Variants in LAMTOR1 observed in about 807,000 individuals in gnomAD.
LAMTOR1 encodes the protein late endosomal/lysosomal adaptor, MAPK and MTOR activator 1, also known as ragulator complex protein LAMTOR1.
LAMTOR1 carries 8 observed loss-of-function variants against 20.5 expected under a neutral mutation model. That is an observed-to-expected ratio of 0.39 (90% CI 0.23 to 0.70). LAMTOR1 has a LOEUF of 0.70. Ranked by LOEUF, LAMTOR1 falls within the 30% of genes least tolerant of loss-of-function variation. The pLI is 0.43. For missense variants in LAMTOR1, 135 were observed against 206.2 expected (o/e 0.65, Z 2.11); for synonymous variants, 77 against 80.9 (o/e 0.95, Z 0.26).
intron 4 of LAMTOR1, 157 bp downstream of exon 4, chr11:72,098,132 G>C: frequency 9.3e-7 from 1 of 1,079,642 alleles, no homozygotes; most frequent in South Asian, 1.6e-5. Context: ...GACATAAAAA[G>C]TTAAGAGAAC....
At chr11:72,103,153 A>G in intron 1 of LAMTOR1, 30 bp downstream of exon 1, 1 of 1,575,234 alleles carries the variant, frequency 6.3e-7, no homozygotes, top group East Asian at 2.3e-5. Flanking sequence ...CTTAGCCCTC[A>G]TTCCCGAGCC....
Position 72,098,347 on chromosome 11 carries a change from G to A in LAMTOR1, c.335C>T (p.Thr112Ile). 1 of 1,613,504 alleles carries A rather than the reference G, an allele frequency of 6.2e-7. No homozygotes were observed. Among genetic ancestry groups the A allele is most frequent in the Non-Finnish European group, 8.5e-7 (1 of 1,179,846 alleles). Residue 112 changes from threonine to isoleucine, a missense_variant, in exon 4 of 5, where the codon ACC (threonine) becomes ATC (isoleucine). By Grantham distance (89) the Thr-to-Ile change is moderately conservative. Transcript: ENST00000278671. ...GGCCAGCACTTGGTGGGGCTGGCTG[G>A]TAAGAGACGGCAGCGGTGGCAGCTT... ...WKKLPPLPSL[T>I]SQPHQVLASE...
intron 1 of LAMTOR1, among the ~76,000 whole-genome samples, chr11:72,101,788 T>C (rs902468020): frequency 2.0e-5 from 3 of 151,972 alleles, no homozygotes. Context: ...AAGGAGAAGG[T>C]AGAGATTCAG....
intron 3 of LAMTOR1, 86 bp from the exon 4 acceptor site, chr11:72,098,501 G>C (rs769031156): frequency 1.4e-5 from 20 of 1,473,346 alleles, no homozygotes; most frequent in Non-Finnish European, 1.8e-5. Context: ...CCTCAGGCCA[G>C]AGAAGCAGGG....
At chr11:72,103,040 TCTC>T (rs1366248127) in intron 1 of LAMTOR1, 140 bp downstream of exon 1, 61 of 1,115,376 alleles carry the variant, frequency 5.5e-5, no homozygotes, top group Non-Finnish European at 7.6e-5. Flanking sequence ...CGGCTTGGCG[TCTC>T]CTCTGTAATC....
At chr11:72,098,501 G>A in intron 3 of LAMTOR1, 86 bp from the exon 4 acceptor site, 1 of 1,473,466 alleles carries the variant, frequency 6.8e-7, no homozygotes, top group Admixed American at 2.1e-5. Context: ...CCTCAGGCCA[G>A]AGAAGCAGGG....
rs1043159695 is a variant in LAMTOR1, at chr11:72,098,879, G to C, written c.189-21C>G. Reference sequence around the variant, plus strand: ...TGTTGCTATGGGGAGAGGAGACAGAGATGACATGACAGGTGCTTCCGAGAA... The same window carrying C: ...TGTTGCTATGGGGAGAGGAGACAGACATGACATGACAGGTGCTTCCGAGAA... On this transcript the variant is annotated intron_variant, in intron 2 of 4. Transcript: ENST00000278671. The C allele has an allele frequency of 3.3e-6, 5 of 1,537,368 alleles. No individual in the cohort carries two copies. The African/African-American group carries it at 5.5e-5, about 17-fold the overall frequency.
chr11:72,100,279 G>A (rs894147675), intron 1 of LAMTOR1, among the ~76,000 whole-genome samples: 2 of 152,046 alleles, frequency 1.3e-5, no homozygotes, highest in Admixed American at 6.6e-5. Context: ...CAACAATGGC[G>A]CTGTTCCCTC....
At chr11:72,099,869 C>T (rs1279344729) in intron 1 of LAMTOR1, among the ~76,000 whole-genome samples, 2 of 152,232 alleles carry the variant, frequency 1.3e-5, no homozygotes, top group East Asian at 1.9e-4. Flanking sequence ...TTCTTGAAGG[C>T]AGGTCCCTTC....
chr11:72,103,053 C>G, intron 1 of LAMTOR1, 130 bp downstream of exon 1: 1 of 1,235,238 alleles, frequency 8.1e-7, no homozygotes, highest in Non-Finnish European at 1.2e-6. Context: ...CCTCTGTAAT[C>G]TGTCCCCTCC....
intron 1 of LAMTOR1, 142 bp from the exon 2 acceptor site, chr11:72,099,398 GC>G: frequency 2.2e-6 from 2 of 892,816 alleles, no homozygotes; most frequent in Non-Finnish European, 3.2e-6. Flanking sequence ...TTTATGGAAT[GC>G]CAGATAAGAC....
intron 1 of LAMTOR1, among the ~76,000 whole-genome samples, chr11:72,102,701 C>T (rs4943821): frequency 0.19 from 29,017 of 152,136 alleles, 4,899 homozygotes; most frequent in African/African-American, 0.45. Context: ...AGAGTCGTCC[C>T]CTGGCCCTAG....
At chr11:72,103,113 G>T in intron 1 of LAMTOR1, 70 bp downstream of exon 1, 1 of 1,541,406 alleles carries the variant, frequency 6.5e-7, no homozygotes. Flanking sequence ...GTCCTCCGCA[G>T]GTTTCTTTCT....
intron 1 of LAMTOR1, among the ~76,000 whole-genome samples, chr11:72,101,166 C>G (rs1027877474): frequency 1.3e-5 from 2 of 152,164 alleles, no homozygotes; most frequent in Non-Finnish European, 2.9e-5. Context: ...ATCAAGTGAA[C>G]AACAAGGTTA....
chr11:72,099,101 T>G lies in LAMTOR1; in HGVS notation c.188+10A>C, dbSNP rs1243786014. ...GAGCTCTGACCCAGGCCTGGTCCTC[T>G]GACACTTACCTGGCTGTCTTGGCAA... On this transcript the variant is annotated intron_variant, in intron 2 of 4. Coordinates refer to ENST00000278671, the MANE Select transcript of LAMTOR1 (RefSeq NM_017907.3). 1.2e-6 allele frequency: 2 copies of G among 1,610,668 alleles called. No individual in the cohort carries two copies. The highest frequency in any genetic ancestry group is 1.3e-5 in the African/African-American group (1 of 74,898).
chr11:72,103,131 A>G, intron 1 of LAMTOR1, 52 bp downstream of exon 1: 2 of 1,561,112 alleles, frequency 1.3e-6, no homozygotes, highest in African/African-American at 1.4e-5. Flanking sequence ...TCTGGGCCCC[A>G]TGCCCCAGTG....
chr11:72,102,972 T>C (rs927865200), intron 1 of LAMTOR1, among the ~76,000 whole-genome samples: 1 of 152,244 alleles, frequency 6.6e-6, no homozygotes, highest in Non-Finnish European at 1.5e-5. Flanking sequence ...GGCGGCTGCC[T>C]GCACACCCCG....
chr11:72,102,354 G>C (rs1199679168), intron 1 of LAMTOR1, among the ~76,000 whole-genome samples: 8 of 152,214 alleles, frequency 5.3e-5, no homozygotes, highest in African/African-American at 1.7e-4. Flanking sequence ...AGGGATTAGA[G>C]TGTGGGGAGA....
At position 72,097,758 on chromosome 11, in the gene LAMTOR1, G is replaced by T. The variant is rs1458786867; in HGVS notation, c.*64C>A. 8 of 1,613,122 alleles carry T rather than the reference G, an allele frequency of 5.0e-6. No homozygotes were observed. Among genetic ancestry groups the T allele is most frequent in the Non-Finnish European group, 6.8e-6 (8 of 1,179,822 alleles). On this transcript the variant is annotated 3_prime_UTR_variant, in exon 5 of 5. Coordinates refer to ENST00000278671, the MANE Select transcript of LAMTOR1 (RefSeq NM_017907.3). ...CTGTATAAGCCGCAGTGAGGCTGGG[G>T]GCCAAGGGGGTGGGGTAGAGATGGG...
Sources: gnomAD v4.1 joint callset for allele counts (sites outside exome capture counted in the v4.1 genomes callset) on GRCh38, gnomAD v4.1.1 for gene constraint, MANE v1.5 for transcripts, NCBI Gene and HGNC (gene_info 2026-07-23, HGNC 2026-07-21) for gene names.